Variants in PIK3R3 observed in about 807,000 individuals in gnomAD.
PIK3R3 encodes the protein phosphoinositide-3-kinase regulatory subunit 3, also known as phosphatidylinositol 3-kinase regulatory subunit gamma.
A neutral mutation model predicts 62.9 loss-of-function variants in PIK3R3; 64 were observed. The observed-to-expected ratio is 1.02, with a 90% CI of 0.83 to 1.25. PIK3R3 has a LOEUF of 1.25. Among genes scored for constraint, PIK3R3 ranks in the 50% most tolerant of loss-of-function variants. The probability of loss-of-function intolerance (pLI) is 0.00; values close to 1 mark genes in which losing one functional copy is unlikely to be tolerated. For synonymous variants in PIK3R3, 165 were observed against 189.0 expected, an observed-to-expected ratio of 0.87 and a Z score of 1.04; for missense variants, 614 against 561.6, an observed-to-expected ratio of 1.09 and a Z score of -0.94.
chr1:46,140,324 T>G, the PIK3R3 span, among the ~76,000 whole-genome samples: 1 of 152,088 alleles, frequency 6.6e-6, no homozygotes, highest in Non-Finnish European at 1.5e-5. Context: ...GATGACTCTC[T>G]TTGACCTATG....
At chr1:46,101,832 G>A (rs1037951087) in intron 1 of PIK3R3, among the ~76,000 whole-genome samples, 2 of 152,158 alleles carry the variant, frequency 1.3e-5, no homozygotes, top group African/African-American at 4.8e-5. Flanking sequence ...TTTCTATATG[G>A]AAGATGAATA....
chr1:46,132,599 C>A lies in PIK3R3; in HGVS notation c.-647G>T. The A allele has an allele frequency of 2.3e-6, 3 of 1,289,088 alleles. No homozygotes were observed. Among genetic ancestry groups the A allele is most frequent in the South Asian group, 1.2e-5 (1 of 81,004 alleles). The allele number at this position is 1,289,088 out of a possible 1,614,324, so 79.9% of individuals were successfully genotyped here. A position where few individuals can be genotyped will look rare whatever the true frequency, so the allele number is the denominator to read the frequency against. On this transcript the variant is annotated 5_prime_UTR_variant, in exon 1 of 10. Coordinates refer to ENST00000262741, the MANE Select transcript of PIK3R3 (RefSeq NM_003629.4). ...TCCCGCCGGGGTGTAAGAACCAACC[C>A]GACCGCACCAACTGCCCTCAAGCTC... is the stretch of plus-strand genomic sequence containing the variant.
chr1:46,112,374 T>C (rs1186411570), intron 1 of PIK3R3, among the ~76,000 whole-genome samples: 1 of 152,210 alleles, frequency 6.6e-6, no homozygotes. Context: ...ATTCAGGCTG[T>C]TTTTAGTAGC....
chr1:46,046,976 T>C, intron 7 of PIK3R3: 1 of 281,102 alleles, frequency 3.6e-6, no homozygotes, highest in Non-Finnish European at 6.6e-6. Flanking sequence ...GGTGTCACAT[T>C]TGCAATCTCC....
chr1:46,061,883 G>C, intron 6 of PIK3R3, 46 bp downstream of exon 6: 1 of 1,565,050 alleles, frequency 6.4e-7, no homozygotes, highest in Non-Finnish European at 8.8e-7. Flanking sequence ...GGGAAGAAAA[G>C]AAATCCTGTC....
chr1:46,095,580 T>A (rs1414804585), intron 1 of PIK3R3, among the ~76,000 whole-genome samples: 2 of 152,192 alleles, frequency 1.3e-5, no homozygotes, highest in Admixed American at 6.5e-5. Context: ...GGTGATGGGA[T>A]GATCTGTGTA....
the PIK3R3 span, among the ~76,000 whole-genome samples, chr1:46,145,077 C>A: frequency 6.7e-6 from 1 of 150,012 alleles, no homozygotes; most frequent in Non-Finnish European, 1.5e-5. Flanking sequence ...GAGCTAAGAT[C>A]GCGCCATTGC....
the PIK3R3 span, among the ~76,000 whole-genome samples, chr1:46,147,146 G>A: frequency 2.0e-4 from 31 of 152,000 alleles, no homozygotes; most frequent in Non-Finnish European, 3.7e-4. Context: ...ACGCTCTGTC[G>A]CCCAGACTTT....
intron 3 of PIK3R3, among the ~76,000 whole-genome samples, chr1:46,074,427 T>G (rs1351541907): frequency 6.6e-6 from 1 of 150,802 alleles, no homozygotes; most frequent in Non-Finnish European, 1.5e-5. Flanking sequence ...TCTCCTTGTA[T>G]AAATTAGAAA....
chr1:46,096,968 C>T (rs1371253336), intron 1 of PIK3R3, among the ~76,000 whole-genome samples: 2 of 150,582 alleles, frequency 1.3e-5, no homozygotes, highest in Admixed American at 6.6e-5. Context: ...GATACCAAAA[C>T]CAGAAAAAGA....
intron 3 of PIK3R3, among the ~76,000 whole-genome samples, chr1:46,068,721 A>G (rs1649229081): frequency 6.6e-6 from 1 of 152,178 alleles, no homozygotes; most frequent in South Asian, 2.1e-4. Context: ...GAACAGCAAG[A>G]AGGCCAGTGA....
chr1:46,045,617 CTTTTTTTTTTTT>C (rs1031388121), intron 9 of PIK3R3, among the ~76,000 whole-genome samples: 16 of 21,204 alleles, frequency 7.5e-4, no homozygotes, highest in South Asian at 3.4e-3. Flanking sequence ...CAATTAAGTG[CTTTTTTTTTTTT>C]TTTTTTTTTT....
the PIK3R3 span, among the ~76,000 whole-genome samples, chr1:46,147,641 G>C: frequency 7.6e-6 from 1 of 132,262 alleles, no homozygotes; most frequent in Non-Finnish European, 1.5e-5. Context: ...GGACGGTCTC[G>C]ATCTCGATCT....
intron 1 of PIK3R3, among the ~76,000 whole-genome samples, chr1:46,111,913 C>A (rs995862216): frequency 1.3e-5 from 2 of 152,116 alleles, no homozygotes; most frequent in Non-Finnish European, 2.9e-5. Context: ...ATCAGTGAGG[C>A]CTCCTCTGAC....
chr1:46,108,595 T>G (rs1653424683), intron 1 of PIK3R3, among the ~76,000 whole-genome samples: 1 of 152,074 alleles, frequency 6.6e-6, no homozygotes, highest in Admixed American at 6.6e-5. Flanking sequence ...ACTCTATACA[T>G]CTCTTCTCTC....
chr1:46,160,667 A>G, the PIK3R3 span, among the ~76,000 whole-genome samples: 1 of 152,378 alleles, frequency 6.6e-6, no homozygotes, highest in South Asian at 2.1e-4. Flanking sequence ...TTTCAGCTTC[A>G]GTCCTCTATC....
At chr1:46,099,278 G>A (rs1255253114) in intron 1 of PIK3R3, among the ~76,000 whole-genome samples, 1 of 152,128 alleles carries the variant, frequency 6.6e-6, no homozygotes, top group Non-Finnish European at 1.5e-5. Flanking sequence ...ATCAATCAGA[G>A]AGAATTAGAT....
rs1647878224 is a variant in PIK3R3 at position 46,056,071 on chromosome 1, GATTGAGTCTCGCTC to G, written c.765-114_765-101del. 3 of 724,062 alleles carry G rather than the reference GATTGAGTCTCGCTC, an allele frequency of 4.1e-6. No individual in the cohort carries two copies. In the African/African-American group the frequency reaches 5.6e-5, roughly 13 times the overall value. 44.9% of individuals were successfully genotyped at this position (724,062 alleles called of 1,614,324 possible). A position where few individuals can be genotyped will look rare whatever the true frequency, so the allele number is the denominator to read the frequency against. On this transcript the variant is annotated intron_variant, in intron 6 of 9. Transcript: ENST00000262741. ...AATATCCTTTTTTTTTTTCCCTTGAGATTGAGTCTCGCTCTGTCACCCAGGCTGGAGTGTAGTGG... is the reference window on the plus strand; with the variant it reads ...AATATCCTTTTTTTTTTTCCCTTGAGTGTCACCCAGGCTGGAGTGTAGTGG...
At position 46,077,503 on chromosome 1, in the gene PIK3R3, A is replaced by C. The variant is rs753256511; in HGVS notation, c.314+12T>G. 3.3e-6 allele frequency: 5 copies of C among 1,510,218 alleles called. No individual in the cohort carries two copies. Among genetic ancestry groups the C allele is most frequent in the Non-Finnish European group, 3.7e-6 (4 of 1,085,448 alleles). The allele number at this position is 1,510,218 out of a possible 1,614,324, so 93.6% of individuals were successfully genotyped here. A position where few individuals can be genotyped will look rare whatever the true frequency, so the allele number is the denominator to read the frequency against. On this transcript the variant is annotated intron_variant, in intron 3 of 9. Transcript: ENST00000262741. ...CAGTAGAGAACTAGCCAAAAGACTG[A>C]AAAGTACTTACCGCAAAGTCAAAGT...
Sources: allele counts gnomAD v4.1 joint callset (sites outside exome capture counted in the v4.1 genomes callset), GRCh38; gene constraint gnomAD v4.1.1; transcripts MANE v1.5; gene names NCBI Gene and HGNC (gene_info 2026-07-23, HGNC 2026-07-21).